VWA8: variants seen among roughly 807,000 people sequenced by gnomAD.
The protein encoded by VWA8 is von Willebrand factor A domain-containing protein 8.
A neutral mutation model predicts 241.5 loss-of-function variants in VWA8; 221 were observed. The ratio of observed to expected loss-of-function variants is 0.91; its 90% CI spans 0.82 to 1.02. The LOEUF (loss-of-function observed/expected upper bound fraction) is 1.02, where lower values mean the gene tolerates loss of function less well. VWA8 is among the 50% of genes least tolerant of loss of function. VWA8 has a pLI of 0.00. For synonymous variants in VWA8, 852 were observed against 827.1 expected (o/e 1.03, Z -0.52); for missense variants, 2,322 against 2,328.7 (o/e 1.00, Z 0.06).
intron 21 of VWA8, among the ~76,000 whole-genome samples, chr13:41,753,138 A>C (rs1302398729): frequency 1.3e-5 from 2 of 152,176 alleles, no homozygotes; most frequent in African/African-American, 4.8e-5. Context: ...TAAATTGAGA[A>C]TATCTGCAGA....
chr13:41,577,695 G>A (rs537011318), intron 42 of VWA8, among the ~76,000 whole-genome samples: 1 of 152,350 alleles, frequency 6.6e-6, no homozygotes, highest in Admixed American at 6.5e-5. Context: ...GGCTGGTGAA[G>A]TAATCTGCTA....
chr13:41,816,579 A>T, intron 16 of VWA8, 119 bp downstream of exon 16: 2 of 913,174 alleles, frequency 2.2e-6, no homozygotes, highest in South Asian at 1.7e-5. Context: ...GCATAGCATA[A>T]GGGATTCCAA....
intron 21 of VWA8, among the ~76,000 whole-genome samples, chr13:41,749,683 T>C (rs189011831): frequency 6.6e-6 from 1 of 152,058 alleles, no homozygotes; most frequent in Non-Finnish European, 1.5e-5. Context: ...CCATAAAAAA[T>C]GATGAGTTCA....
chr13:41,596,490 G>A (rs758227099), intron 40 of VWA8, among the ~76,000 whole-genome samples: 28 of 151,912 alleles, frequency 1.8e-4, no homozygotes, highest in Non-Finnish European at 3.7e-4. Context: ...TTAAATATAT[G>A]CTTTTGTTTA....
chr13:41,883,943 A>G (rs1401452924), intron 8 of VWA8, among the ~76,000 whole-genome samples: 1 of 152,218 alleles, frequency 6.6e-6, no homozygotes, highest in Non-Finnish European at 1.5e-5. Context: ...ACAAAATTAG[A>G]AAGTATTCAT....
At chr13:41,654,116 C>T (rs535182864) in intron 37 of VWA8, among the ~76,000 whole-genome samples, 2 of 152,198 alleles carry the variant, frequency 1.3e-5, no homozygotes, top group African/African-American at 2.4e-5. Context: ...AGAATGCCAA[C>T]TAATAAATGT....
At chr13:41,784,411 C>A (rs943164405) in intron 18 of VWA8, among the ~76,000 whole-genome samples, 7 of 151,936 alleles carry the variant, frequency 4.6e-5, no homozygotes, top group African/African-American at 7.3e-5. Context: ...ATGCCTGTCA[C>A]CAGCATTTCA....
chr13:41,708,701 T>C (rs2045298083), intron 26 of VWA8, among the ~76,000 whole-genome samples: 1 of 152,210 alleles, frequency 6.6e-6, no homozygotes, highest in South Asian at 2.1e-4. Context: ...ATCACAGAAA[T>C]GCAGAGTAAT....
chr13:41,889,567 C>T (rs754918375), intron 5 of VWA8, among the ~76,000 whole-genome samples: 2 of 151,930 alleles, frequency 1.3e-5, no homozygotes, highest in Non-Finnish European at 2.9e-5. Flanking sequence ...TTAGTAGAAA[C>T]GAGGTTTTAC....
At chr13:41,830,103 TGTA>T (rs1481929623) in intron 14 of VWA8, among the ~76,000 whole-genome samples, 3 of 151,380 alleles carry the variant, frequency 2.0e-5, no homozygotes, top group Non-Finnish European at 4.4e-5. Flanking sequence ...ATTAGCTGGG[TGTA>T]GTGGCGGGCG....
rs557245446 is a variant in VWA8, at chr13:41,683,182, C to A, written c.4327+1865G>T. Among the ~76,000 whole-genome samples, 24 of 151,852 alleles carry A rather than the reference C, an allele frequency of 1.6e-4. No individual in the cohort carries two copies. The South Asian group carries it at 3.5e-3, about 22-fold the overall frequency. On this transcript the variant is annotated intron_variant, in intron 35 of 44. Coordinates refer to ENST00000379310, the MANE Select transcript of VWA8 (RefSeq NM_015058.2). Reference sequence around the variant, plus strand: ...CTTTATTGCCCAAAACTGGAAAAAACCAATAAATATGTCACCTTGTGAATG... The same window carrying A: ...CTTTATTGCCCAAAACTGGAAAAAAACAATAAATATGTCACCTTGTGAATG...
rs2138049753 is a variant in VWA8 at position 41,865,916 on chromosome 13, A to T, written c.1333T>A (p.Leu445Ile). 1 of 1,614,212 alleles carries T rather than the reference A, an allele frequency of 6.2e-7. No individual in the cohort carries two copies. The highest frequency in any genetic ancestry group is 2.2e-5 in the East Asian group (1 of 44,876). The change falls in exon 11 of 45, where the codon TTA (leucine) becomes ATA (isoleucine). Residue 445 changes from leucine to isoleucine, a missense_variant. Leu to Ile is a conservative substitution (Grantham distance 5). Coordinates refer to ENST00000379310, the MANE Select transcript of VWA8 (RefSeq NM_015058.2). Reference sequence around the variant, plus strand: ...GTCATTCTTACCTTTCCTCCAATTAAACATATATCTTTAACCATGTGAGAC... The same window carrying T: ...GTCATTCTTACCTTTCCTCCAATTATACATATATCTTTAACCATGTGAGAC... ...MQSHMVKDIC[L>I]IGGKGCGKTV... is the part of the protein sequence containing the mutation.
At chr13:41,804,531 T>C (rs1180605866) in intron 17 of VWA8, among the ~76,000 whole-genome samples, 1 of 151,758 alleles carries the variant, frequency 6.6e-6, no homozygotes, top group Non-Finnish European at 1.5e-5. Context: ...AAAATTAATT[T>C]AAAAATTAAA....
intron 21 of VWA8, among the ~76,000 whole-genome samples, chr13:41,759,217 A>C (rs1359448440): frequency 1.3e-5 from 2 of 151,672 alleles, no homozygotes; most frequent in East Asian, 3.8e-4. Context: ...CAAATATACT[A>C]ATCTATACTG....
At chr13:41,677,778 T>TCATCCATCCATC (rs200806052) in intron 35 of VWA8, among the ~76,000 whole-genome samples, 42 of 151,934 alleles carry the variant, frequency 2.8e-4, no homozygotes, top group Non-Finnish European at 2.5e-4. Flanking sequence ...ATTTATCTAT[T>TCATCCATCCATC]CATCCATCCA....
At chr13:41,927,094 T>G (rs1876882501) in intron 2 of VWA8, 1 of 379,832 alleles carries the variant, frequency 2.6e-6, no homozygotes. Context: ...TGAATAATCC[T>G]GTGCCGCAGC....
intron 12 of VWA8, among the ~76,000 whole-genome samples, chr13:41,841,180 G>T (rs1365206252): frequency 6.6e-6 from 1 of 152,108 alleles, no homozygotes; most frequent in Non-Finnish European, 1.5e-5. Flanking sequence ...TTCCCATAAG[G>T]AAAGAGCTGG....
chr13:41,723,430 AAGTAG>A (rs1338152537), intron 24 of VWA8, among the ~76,000 whole-genome samples: 1 of 152,178 alleles, frequency 6.6e-6, no homozygotes, highest in East Asian at 1.9e-4. Context: ...GTTAGCTTAA[AAGTAG>A]AGTAAACTCT....
chr13:41,941,460 TA>T (rs1196559463), intron 2 of VWA8, among the ~76,000 whole-genome samples: 2 of 152,204 alleles, frequency 1.3e-5, no homozygotes, highest in African/African-American at 4.8e-5. Flanking sequence ...AAACACAGTA[TA>T]TTTGATCTCT....
Sources: allele counts gnomAD v4.1 joint callset (sites outside exome capture counted in the v4.1 genomes callset), GRCh38; gene constraint gnomAD v4.1.1; transcripts MANE v1.5; gene names NCBI Gene and HGNC (gene_info 2026-07-23, HGNC 2026-07-21).